Variants in MAP2K5 observed in about 807,000 individuals in gnomAD.
MAP2K5 encodes the protein mitogen-activated protein kinase kinase 5, also known as dual specificity mitogen-activated protein kinase kinase 5.
A neutral mutation model predicts 83.1 loss-of-function variants in MAP2K5; 49 were observed. The observed-to-expected ratio is 0.59, with a 90% CI of 0.47 to 0.75. The LOEUF (loss-of-function observed/expected upper bound fraction) is 0.75, where lower values mean the gene tolerates loss of function less well. Ranked by LOEUF, MAP2K5 falls within the 30% of genes least tolerant of loss-of-function variation. MAP2K5 has a pLI of 0.00. For missense variants in MAP2K5, 457 were observed against 557.5 expected (o/e 0.82, Z 1.82); for synonymous variants, 202 against 191.8 (o/e 1.05, Z -0.44).
rs2090200529 is a variant in MAP2K5, at chr15:67,774,376, T to TA, written c.1242+1624_1242+1625insA. On this transcript the variant is annotated intron_variant, in intron 21 of 21. Transcript: ENST00000178640. The surrounding 1 kb of genome is among the most constrained non-coding windows in gnomAD (Gnocchi z 4.9). ...CATTATTTCTAGTACTGCTCACTGT[T>TA]TGATTTTAAATGAATGCATTCCCAG... Among the ~76,000 whole-genome samples the TA allele has an allele frequency of 6.6e-6, 1 of 152,164 alleles. No homozygotes were observed. Among genetic ancestry groups the TA allele is most frequent in the Non-Finnish European group, 1.5e-5 (1 of 68,026 alleles).
At position 67,768,597 on chromosome 15, in the gene MAP2K5, A is replaced by C. The variant is rs2090086307; in HGVS notation, c.1135-1005A>C. On this transcript the variant is annotated intron_variant, in intron 19 of 21. Coordinates refer to ENST00000178640, the MANE Select transcript of MAP2K5 (RefSeq NM_145160.3). This position sits in a 1 kb window ranked among gnomAD's most constrained non-coding sequence, Gnocchi z 4.0. ...TAATTTAAATAGGTGCATGTATCATACTTTGCAGGGCACTTTGTGTAGGGA... is the reference window on the plus strand; with the variant it reads ...TAATTTAAATAGGTGCATGTATCATCCTTTGCAGGGCACTTTGTGTAGGGA... Among the ~76,000 whole-genome samples the C allele has an allele frequency of 6.6e-6, 1 of 152,232 alleles. No individual in the cohort carries two copies. The highest frequency in any genetic ancestry group is 1.5e-5 in the Non-Finnish European group (1 of 68,042).
intron 13 of MAP2K5, among the ~76,000 whole-genome samples, chr15:67,691,245 A>T (rs923269873): frequency 6.6e-6 from 1 of 152,214 alleles, no homozygotes; most frequent in Non-Finnish European, 1.5e-5. Context: ...AAAAGAGACA[A>T]AGTCCTTGCC....
intron 8 of MAP2K5, among the ~76,000 whole-genome samples, chr15:67,608,486 C>T (rs1249255729): frequency 6.6e-6 from 1 of 152,160 alleles, no homozygotes; most frequent in Non-Finnish European, 1.5e-5. Context: ...CAGGTATGCA[C>T]AGGACCCCAC....
rs1482788724 is a variant in MAP2K5 at position 67,736,908 on chromosome 15, G to C, written c.1074+8963G>C. 1.3e-5 allele frequency among the ~76,000 whole-genome samples: 2 copies of C among 152,158 alleles called. No individual in the cohort carries two copies. The highest frequency in any genetic ancestry group is 2.9e-5 in the Non-Finnish European group (2 of 68,038). On this transcript the variant is annotated intron_variant, in intron 17 of 21. Coordinates refer to ENST00000178640, the MANE Select transcript of MAP2K5 (RefSeq NM_145160.3). The surrounding 1 kb of genome is among the most constrained non-coding windows in gnomAD (Gnocchi z 4.3). ...ATCATAGGATTTCAGCATGTGAAGA[G>C]ATCTTACAATGATCTAGTCCAACTC...
intron 3 of MAP2K5, among the ~76,000 whole-genome samples, chr15:67,568,733 G>A (rs1023587904): frequency 3.9e-5 from 6 of 152,134 alleles, no homozygotes; most frequent in South Asian, 2.1e-4. Flanking sequence ...TTGGCTGGGC[G>A]CGGTGGCTCA....
intron 21 of MAP2K5, among the ~76,000 whole-genome samples, chr15:67,803,355 G>A (rs1427517219): frequency 2.0e-5 from 3 of 150,342 alleles, no homozygotes; most frequent in Non-Finnish European, 3.0e-5. Flanking sequence ...GGCACCTCTG[G>A]GTGGCCAAGT....
chr15:67,796,664 G>T (rs2090610497), intron 21 of MAP2K5, among the ~76,000 whole-genome samples: 1 of 151,928 alleles, frequency 6.6e-6, no homozygotes, highest in Non-Finnish European at 1.5e-5. Context: ...AACATATCCG[G>T]TTTTTTCCTT....
At chr15:67,580,489 C>T (rs2085154806) in intron 3 of MAP2K5, among the ~76,000 whole-genome samples, 1 of 152,030 alleles carries the variant, frequency 6.6e-6, no homozygotes, top group East Asian at 1.9e-4. Flanking sequence ...ATATCATTTT[C>T]AAATATTTCT....
chr15:67,548,882 T>A, intron 1 of MAP2K5: 1 of 478,060 alleles, frequency 2.1e-6, no homozygotes. Context: ...TAGTCCTCTT[T>A]GATCAGTTTT....
rs879726095 is a variant in MAP2K5 at position 67,783,892 on chromosome 15, A to G, written c.1242+11140A>G. 6.6e-6 allele frequency among the ~76,000 whole-genome samples: 1 copy of G among 152,190 alleles called. No individual in the cohort carries two copies. The highest frequency in any genetic ancestry group is 2.4e-5 in the African/African-American group (1 of 41,448). On this transcript the variant is annotated intron_variant, in intron 21 of 21. Coordinates refer to ENST00000178640, the MANE Select transcript of MAP2K5 (RefSeq NM_145160.3). The surrounding 1 kb of genome is among the most constrained non-coding windows in gnomAD (Gnocchi z 5.1). Reference sequence around the variant, plus strand: ...GTGAAAGGCAGCTTATATCATAAGTAAAAGTACCAGAGCCTCTAATAGCCA... The same window carrying G: ...GTGAAAGGCAGCTTATATCATAAGTGAAAGTACCAGAGCCTCTAATAGCCA...
intron 8 of MAP2K5, among the ~76,000 whole-genome samples, chr15:67,613,496 AG>A (rs1567309911): frequency 6.6e-6 from 1 of 152,188 alleles, no homozygotes; most frequent in Non-Finnish European, 1.5e-5. Context: ...GCTTGAGCTT[AG>A]TTTTAAACAC....
chr15:67,612,468 C>T (rs1596648925), intron 8 of MAP2K5, among the ~76,000 whole-genome samples: 1 of 152,292 alleles, frequency 6.6e-6, no homozygotes, highest in Middle Eastern at 3.4e-3. Context: ...TTGTCCAGAA[C>T]ATAGCTCCTC....
At chr15:67,550,969 G>T (rs1030335856) in intron 2 of MAP2K5, among the ~76,000 whole-genome samples, 1 of 151,924 alleles carries the variant, frequency 6.6e-6, no homozygotes, top group Non-Finnish European at 1.5e-5. Flanking sequence ...ACAGGGTTTT[G>T]CCATGTTGGC....
chr15:67,585,253 A>G (rs2085265105), intron 4 of MAP2K5, among the ~76,000 whole-genome samples: 1 of 152,148 alleles, frequency 6.6e-6, no homozygotes, highest in South Asian at 2.1e-4. Flanking sequence ...TGAATTGGAA[A>G]AGTACTAACC....
chr15:67,699,970 T>TA (rs5813453), intron 15 of MAP2K5, among the ~76,000 whole-genome samples: 100,649 of 141,022 alleles, frequency 0.71, 36,583 homozygotes, highest in African/African-American at 0.75. Flanking sequence ...CTTGCCAATG[T>TA]AAAAAAAAAA....
intron 15 of MAP2K5, among the ~76,000 whole-genome samples, chr15:67,701,336 A>T (rs2088411996): frequency 6.6e-6 from 1 of 152,216 alleles, no homozygotes; most frequent in African/African-American, 2.4e-5. Context: ...ACATTCCTTC[A>T]GTCAGCATGC....
chr15:67,806,898 T>G lies in MAP2K5; in HGVS notation c.*148T>G. 1 of 1,593,000 alleles carries G rather than the reference T, an allele frequency of 6.3e-7. No homozygotes were observed. The highest frequency in any genetic ancestry group is 8.5e-7 in the Non-Finnish European group (1 of 1,177,510). ...CCTTCACCTCTGTCAGCAGGTGGCC[T>G]TGCCTGGGGAGCCCCATGTGTGGCC... On this transcript the variant is annotated 3_prime_UTR_variant, in exon 22 of 22. Transcript: ENST00000178640.
chr15:67,660,475 C>T (rs1484275525), intron 12 of MAP2K5, among the ~76,000 whole-genome samples: 1 of 152,218 alleles, frequency 6.6e-6, no homozygotes. Context: ...ATTGTGATCC[C>T]AGTATCCTTG....
rs1378341210 is a variant in MAP2K5, at chr15:67,637,502, A to T, written c.585+6575A>T. ...TTTTTCCACACTGACTGGTGGGAAT[A>T]CAAACTTTTCTTGCCCAGTATTAAT... On this transcript the variant is annotated intron_variant, in intron 9 of 21. Coordinates refer to ENST00000178640, the MANE Select transcript of MAP2K5 (RefSeq NM_145160.3). The surrounding 1 kb of genome is among the most constrained non-coding windows in gnomAD (Gnocchi z 4.5). 2.0e-5 allele frequency among the ~76,000 whole-genome samples: 3 copies of T among 152,140 alleles called. No homozygotes were observed. Among genetic ancestry groups the T allele is most frequent in the Non-Finnish European group, 4.4e-5 (3 of 68,014 alleles).
Sources: gnomAD v4.1 joint callset for allele counts (sites outside exome capture counted in the v4.1 genomes callset) on GRCh38, gnomAD v4.1.1 for gene constraint, Gnocchi (gnomAD v3.1) non-coding constraint, MANE v1.5 for transcripts, NCBI Gene and HGNC (gene_info 2026-07-23, HGNC 2026-07-21) for gene names.